Variants in SRGAP1 observed in about 807,000 individuals in gnomAD.
SRGAP1 encodes SLIT-ROBO Rho GTPase-activating protein 1.
SRGAP1 carries 43 observed loss-of-function variants against 121.9 expected under a neutral mutation model. The ratio of observed to expected loss-of-function variants is 0.35; its 90% CI spans 0.28 to 0.46. SRGAP1 has a LOEUF of 0.46. Ranked by LOEUF, SRGAP1 falls within the 20% of genes least tolerant of loss-of-function variation. SRGAP1 has a pLI of 1.00. For synonymous variants in SRGAP1, 447 were observed against 485.4 expected (o/e 0.92, Z 1.04); for missense variants, 1,102 against 1,350.9 (o/e 0.82, Z 2.89).
At chr12:63,969,240 T>G (rs936768729) in intron 1 of SRGAP1, among the ~76,000 whole-genome samples, 2 of 151,920 alleles carry the variant, frequency 1.3e-5, no homozygotes, top group Non-Finnish European at 2.9e-5. Context: ...TAGGGAACTG[T>G]GAAAGAAGAT....
intron 17 of SRGAP1, among the ~76,000 whole-genome samples, chr12:64,112,702 C>T (rs1224236041): frequency 6.6e-6 from 1 of 152,108 alleles, no homozygotes; most frequent in Admixed American, 6.6e-5. Flanking sequence ...TATGGGAGTG[C>T]AGATATCTCT....
At chr12:64,090,170 T>C (rs1593117505) in intron 11 of SRGAP1, among the ~76,000 whole-genome samples, 1 of 152,318 alleles carries the variant, frequency 6.6e-6, no homozygotes, top group South Asian at 2.1e-4. Flanking sequence ...CTGGCCTTCT[T>C]TCCACTAAAG....
chr12:63,941,742 C>A (rs1252596168), intron 1 of SRGAP1, among the ~76,000 whole-genome samples: 1 of 151,462 alleles, frequency 6.6e-6, no homozygotes, highest in Non-Finnish European at 1.5e-5. Context: ...TCTAGCATTT[C>A]CTTGACTGAT....
rs193282903 is a variant in SRGAP1, at chr12:63,859,514, G to T, written c.67+14631G>T. On this transcript the variant is annotated intron_variant, in intron 1 of 21. Coordinates refer to ENST00000355086, the MANE Select transcript of SRGAP1 (RefSeq NM_020762.4). The stretch of plus-strand genomic sequence containing the variant: ...TTTCTTCTCTGTTTTGTGAATTTCT[G>T]CTCTTATCTTTACTATCATCGTTTT... Among the ~76,000 whole-genome samples the T allele has an allele frequency of 2.5e-3, 383 of 152,044 alleles. 1 individual carries two copies. Among genetic ancestry groups the T allele is most frequent in the Non-Finnish European group, 4.4e-3 (302 of 67,964 alleles).
Position 64,079,033 on chromosome 12 carries a change from A to T in SRGAP1, c.1240A>T (p.Thr414Ser), listed in dbSNP as rs777794012. 1 of 1,614,120 alleles carries T rather than the reference A, an allele frequency of 6.2e-7. No homozygotes were observed. ...TCGTTCCACAGAATCAGTGAAGTCC[A>T]CTGTCTCTGAAACCTACCTGAGTAA... ...HSRSTESVKS[T>S]VSETYLSKPS... Residue 414 changes from threonine (T) to serine (S), a missense_variant, in exon 9 of 22, where the codon ACT (threonine) becomes TCT (serine). Physicochemically the swap from Thr to Ser is moderately conservative, Grantham distance 58. Around this residue, in one of 3 missense-constraint regions of SRGAP1, gnomAD observed 747 missense variants for 929.4 expected, o/e 0.80. Transcript: ENST00000355086.
intron 1 of SRGAP1, among the ~76,000 whole-genome samples, chr12:63,944,654 T>C (rs2031984224): frequency 6.6e-6 from 1 of 152,212 alleles, no homozygotes. Flanking sequence ...GCTTCTGCTA[T>C]GTAAACAGGT....
At chr12:64,052,657 A>C (rs558855842) in intron 6 of SRGAP1, among the ~76,000 whole-genome samples, 2 of 152,162 alleles carry the variant, frequency 1.3e-5, no homozygotes, top group Non-Finnish European at 2.9e-5. Flanking sequence ...AAAATGATAG[A>C]TATATGCCTT....
intron 1 of SRGAP1, among the ~76,000 whole-genome samples, chr12:63,891,865 T>G (rs1394133886): frequency 1.3e-5 from 2 of 151,410 alleles, no homozygotes; most frequent in Non-Finnish European, 2.9e-5. Flanking sequence ...CAGACACCTA[T>G]AGTTCCAGCT....
chr12:64,043,708 T>C, intron 6 of SRGAP1, 133 bp downstream of exon 6: 1 of 648,112 alleles, frequency 1.5e-6, no homozygotes, highest in Non-Finnish European at 2.4e-6. Context: ...AAAATACTTT[T>C]ATTTAAATTA....
intron 1 of SRGAP1, among the ~76,000 whole-genome samples, chr12:63,962,820 G>T (rs1163966462): frequency 6.6e-6 from 1 of 152,166 alleles, no homozygotes; most frequent in Non-Finnish European, 1.5e-5. Flanking sequence ...TTGAAAGGTG[G>T]CTAATCCAAG....
At chr12:63,879,429 G>A (rs778052403) in intron 1 of SRGAP1, 6 of 152,174 alleles carry the variant, frequency 3.9e-5, no homozygotes, top group South Asian at 2.1e-4. Flanking sequence ...TTCCGAATTC[G>A]TCATGAACTG....
chr12:63,909,158 G>A (rs2030371368), intron 1 of SRGAP1, among the ~76,000 whole-genome samples: 1 of 152,170 alleles, frequency 6.6e-6, no homozygotes, highest in South Asian at 2.1e-4. Context: ...AAAGTGCTGG[G>A]ATTACAGGCA....
intron 3 of SRGAP1, among the ~76,000 whole-genome samples, chr12:64,001,122 AT>A (rs1231862203): frequency 1.3e-5 from 2 of 152,180 alleles, no homozygotes; most frequent in African/African-American, 4.8e-5. Context: ...TCTACCCAGC[AT>A]TCCATAAAAT....
chr12:63,899,045 T>TA (rs1900844107), intron 1 of SRGAP1, among the ~76,000 whole-genome samples: 1 of 152,164 alleles, frequency 6.6e-6, no homozygotes, highest in South Asian at 2.1e-4. Context: ...TGCCATACCT[T>TA]AAAACTTCCT....
chr12:63,953,463 T>C (rs1175386420), intron 1 of SRGAP1, among the ~76,000 whole-genome samples: 14 of 150,154 alleles, frequency 9.3e-5, no homozygotes, highest in Non-Finnish European at 1.5e-5. Flanking sequence ...AGTGTAGTAG[T>C]GTGATCTTGG....
chr12:64,138,441 A>AT (rs1454999890), intron 21 of SRGAP1, among the ~76,000 whole-genome samples: 1 of 143,988 alleles, frequency 6.9e-6, no homozygotes, highest in Non-Finnish European at 1.5e-5. Context: ...TCTGAAATAA[A>AT]TTGACTTTTT....
chr12:63,995,885 G>A (rs1383200512), intron 3 of SRGAP1, among the ~76,000 whole-genome samples: 3 of 151,614 alleles, frequency 2.0e-5, no homozygotes, highest in Non-Finnish European at 1.5e-5. Flanking sequence ...GAAAAAAAAA[G>A]CAAAGATATT....
At chr12:63,917,763 C>T (rs1181618477) in intron 1 of SRGAP1, among the ~76,000 whole-genome samples, 1 of 150,444 alleles carries the variant, frequency 6.6e-6, no homozygotes, top group East Asian at 2.0e-4. Context: ...AACCTGCTTT[C>T]TGTAATTCTT....
chr12:64,006,234 T>A (rs1041983499), intron 3 of SRGAP1, among the ~76,000 whole-genome samples: 3 of 152,214 alleles, frequency 2.0e-5, no homozygotes, highest in Non-Finnish European at 4.4e-5. Flanking sequence ...GACAAGGCTC[T>A]GAATTTCTGA....
Sources: allele counts gnomAD v4.1 joint callset (sites outside exome capture counted in the v4.1 genomes callset), GRCh38; gene constraint gnomAD v4.1.1; regional missense constraint gnomAD v4.1.1; transcripts MANE v1.5; gene names NCBI Gene and HGNC (gene_info 2026-07-23, HGNC 2026-07-21).